The following ABCG1 variants were observed in gnomAD, a reference collection of about 807,000 sequenced individuals.
The protein encoded by ABCG1 is ATP-binding cassette sub-family G member 1.
A neutral mutation model predicts 69.2 loss-of-function variants in ABCG1; 29 were observed. The observed-to-expected ratio is 0.42, with a 90% confidence interval of 0.31 to 0.57. ABCG1 has a LOEUF of 0.57. Among genes scored for constraint, ABCG1 ranks in the 20% least tolerant of loss-of-function variants. The pLI is 0.15. For missense variants in ABCG1, 718 were observed against 898.1 expected, an observed-to-expected ratio of 0.80 and a Z score of 2.56; for synonymous variants, 370 against 374.8, an observed-to-expected ratio of 0.99 and a Z score of 0.15.
At chr21:42,274,478 T>TA (rs1375088025) in intron 4 of ABCG1, among the ~76,000 whole-genome samples, 3 of 148,458 alleles carry the variant, frequency 2.0e-5, no homozygotes, top group African/African-American at 7.6e-5. Flanking sequence ...CCAGGGCCTT[T>TA]TTTTTTTTTT....
chr21:42,225,598 T>C, intron 1 of ABCG1, 73 bp from the exon 2 acceptor site: 4 of 1,559,606 alleles, frequency 2.6e-6, no homozygotes, highest in Non-Finnish European at 2.6e-6. Flanking sequence ...CTGAGCCTCA[T>C]GGTGAATCTC....
At chr21:42,214,942 T>C (rs528006049), upstream of ABCG1, among the ~76,000 whole-genome samples, 25 of 152,326 alleles carry the variant, frequency 1.6e-4, no homozygotes, top group African/African-American at 5.5e-4. Flanking sequence ...TTTGTTTTTT[T>C]GTTTTCCTCC....
intron 10 of ABCG1, among the ~76,000 whole-genome samples, chr21:42,289,444 C>G (rs1183847096): frequency 6.6e-6 from 1 of 152,214 alleles, no homozygotes; most frequent in South Asian, 2.1e-4. Flanking sequence ...GAAACCAGGG[C>G]TGTAGGCGAG....
chr21:42,246,985 T>C (rs971968059), intron 2 of ABCG1, among the ~76,000 whole-genome samples: 1 of 152,198 alleles, frequency 6.6e-6, no homozygotes. Context: ...ATTTTAAAAC[T>C]ATTCTAAAGA....
At chr21:42,201,591 G>T in exon 2 of ABCG1, 1 of 1,546,944 alleles carries the variant, frequency 6.5e-7, no homozygotes, top group South Asian at 1.2e-5. Context: ...ACACCAACCT[G>T]AACTTCGCTT....
intron 2 of ABCG1, among the ~76,000 whole-genome samples, chr21:42,230,656 C>A (rs74713855): frequency 0.035 from 5,281 of 152,254 alleles, 321 homozygotes; most frequent in African/African-American, 0.12. Context: ...GCTTTCAGAG[C>A]CCATTCACAC....
chr21:42,296,302 C>T lies in ABCG1; in HGVS notation c.1911C>T (p.Tyr637=), dbSNP rs748322563. 1 of 1,614,138 alleles carries T rather than the reference C, an allele frequency of 6.2e-7. No individual in the cohort carries two copies. The highest frequency in any genetic ancestry group is 8.5e-7 in the Non-Finnish European group (1 of 1,180,024). The change falls in exon 15 of 15, where the codon TAC becomes TAT. Residue 637 remains tyrosine (Y), a synonymous_variant. Coordinates refer to ENST00000398449, the MANE Select transcript of ABCG1 (RefSeq NM_016818.3). The surrounding 1 kb of genome is among the most constrained non-coding windows in gnomAD (Gnocchi z 5.4). ...TGGACGTGGAAAATGCCAAGCTGTA[C>T]CTGGACTTCATCGTACTCGGGATTT... is the stretch of plus-strand genomic sequence containing the variant. The part of the protein sequence containing the change: ...RELDVENAKL[Y]LDFIVLGIFF...
intron 2 of ABCG1, among the ~76,000 whole-genome samples, chr21:42,234,823 C>G (rs573085410): frequency 6.6e-6 from 1 of 151,348 alleles, no homozygotes; most frequent in Non-Finnish European, 1.5e-5. Flanking sequence ...CAGGTGCGGG[C>G]GGGGCGGGTG....
At chr21:42,279,232 G>A (rs993371937) in intron 5 of ABCG1, among the ~76,000 whole-genome samples, 14 of 152,148 alleles carry the variant, frequency 9.2e-5, no homozygotes, top group African/African-American at 2.7e-4. Context: ...GATGCTCGGC[G>A]TGGAGGAGGA....
Position 42,219,383 on chromosome 21 carries a change from T to A in ABCG1, c.42+79T>A. On this transcript the variant is annotated intron_variant, in intron 1 of 14. Transcript: ENST00000398449. This position sits in a 1 kb window ranked among gnomAD's most constrained non-coding sequence, Gnocchi z 5.3. ...AGGAAACACACAAAGACTCGCAAGCTCGACCTGACACCCCTCCCAGGAGCG... is the reference window on the plus strand; with the variant it reads ...AGGAAACACACAAAGACTCGCAAGCACGACCTGACACCCCTCCCAGGAGCG... The A allele has an allele frequency of 6.5e-7, 1 of 1,541,884 alleles. No homozygotes were observed. The highest frequency in any genetic ancestry group is 8.7e-7 in the Non-Finnish European group (1 of 1,148,154).
chr21:42,232,991 A>G (rs1601364187), intron 2 of ABCG1, among the ~76,000 whole-genome samples: 4 of 152,250 alleles, frequency 2.6e-5, no homozygotes, highest in Admixed American at 2.0e-4. Context: ...AGGTGCATTC[A>G]TCAAACTCAG....
At position 42,259,609 on chromosome 21, in the gene ABCG1, T is replaced by C. The variant is rs2068370625; in HGVS notation, c.287-11461T>C. 3.5e-6 allele frequency: 5 copies of C among 1,443,266 alleles called. No individual in the cohort carries two copies. In the East Asian group the frequency reaches 1.3e-4, roughly 36 times the overall value. 89.4% of individuals were successfully genotyped at this position (1,443,266 alleles called of 1,614,324 possible). On this transcript the variant is annotated intron_variant, in intron 2 of 14. Transcript: ENST00000398449. Reference sequence around the variant, plus strand: ...CTGCGGAGCTGGCCATTACCTTGTTTCCTAACTGTCACTCATTTGATAAAA... The same window carrying C: ...CTGCGGAGCTGGCCATTACCTTGTTCCCTAACTGTCACTCATTTGATAAAA...
At position 42,288,305 on chromosome 21, in the gene ABCG1, G is replaced by A; in HGVS notation, c.1217G>A (p.Arg406Lys). Residue 406 changes from arginine to lysine, a missense_variant, in exon 10 of 15, where the codon AGG (arginine) becomes AAG (lysine). This residue lies in a region of ABCG1 where 514 missense variants were observed against 574.3 expected (regional missense o/e 0.90). Transcript: ENST00000398449. This position sits in a 1 kb window ranked among gnomAD's most constrained non-coding sequence, Gnocchi z 4.8. ...LFKRTFLSIM[R>K]DSVLTHLRIT... ...AAGAGGACCTTCCTCAGCATCATGA[G>A]GGACTCGGTAAGGCTGCCCGCATCT... 6.3e-7 allele frequency: 1 copy of A among 1,599,142 alleles called. No homozygotes were observed. The highest frequency in any genetic ancestry group is 8.5e-7 in the Non-Finnish European group (1 of 1,171,832).
chr21:42,291,440 G>A lies in ABCG1; in HGVS notation c.1495-58G>A. ...GGGCTGGCTGCCCAGGAGCTTTGCT[G>A]TTGGCCTGCTGTGGTGGGAAGCGGC... On this transcript the variant is annotated intron_variant, in intron 12 of 14. Transcript: ENST00000398449. This position sits in a 1 kb window ranked among gnomAD's most constrained non-coding sequence, Gnocchi z 6.4. 1 of 1,570,788 alleles carries A rather than the reference G, an allele frequency of 6.4e-7. No homozygotes were observed. The highest frequency in any genetic ancestry group is 8.7e-7 in the Non-Finnish European group (1 of 1,153,350).
chr21:42,286,097 CACAA>C, intron 8 of ABCG1, 103 bp downstream of exon 8: 1 of 773,120 alleles, frequency 1.3e-6, no homozygotes, highest in Non-Finnish European at 2.3e-6. Flanking sequence ...ACTTGACTAC[CACAA>C]ATAGCTCAAG....
At chr21:42,289,257 C>CCCATAAGT (rs1022387461) in intron 10 of ABCG1, among the ~76,000 whole-genome samples, 3 of 152,116 alleles carry the variant, frequency 2.0e-5, no homozygotes, top group African/African-American at 7.2e-5. Context: ...ATGGCTCTGT[C>CCCATAAGT]CCATAAGTCT....
In ABCG1 at chr21:42,219,889, G is replaced by A; in HGVS notation, c.42+585G>A. The A allele has an allele frequency of 1.9e-6, 3 of 1,545,180 alleles. No homozygotes were observed. The highest frequency in any genetic ancestry group is 2.6e-6 in the Non-Finnish European group (3 of 1,145,638). ...TCGGGGAGGCGGCGGCGAAGGCCCGGGGAGACCCGCGAGGGGCAAGCCCGG... is the reference window on the plus strand; with the variant it reads ...TCGGGGAGGCGGCGGCGAAGGCCCGAGGAGACCCGCGAGGGGCAAGCCCGG... On this transcript the variant is annotated intron_variant, in intron 1 of 14. Coordinates refer to ENST00000398449, the MANE Select transcript of ABCG1 (RefSeq NM_016818.3). This position sits in a 1 kb window ranked among gnomAD's most constrained non-coding sequence, Gnocchi z 5.3.
In ABCG1 at chr21:42,287,905, C is replaced by G. The variant is rs764757332; in HGVS notation, c.990C>G (p.Ser330=). 2.5e-6 allele frequency: 4 copies of G among 1,590,668 alleles called. No homozygotes were observed. The South Asian group carries it at 4.5e-5, about 18-fold the overall frequency. ...NPADFVMEVA[S]GEYGDQNSRL... Reference sequence around the variant, plus strand: ...CTCCTGCAGTCATGGAGGTTGCATCCGGCGAGTACGGTGATCAGAACAGTC... The same window carrying G: ...CTCCTGCAGTCATGGAGGTTGCATCGGGCGAGTACGGTGATCAGAACAGTC... Residue 330 remains serine, a synonymous_variant, in exon 9 of 15, where the codon TCC becomes TCG. Coordinates refer to ENST00000398449, the MANE Select transcript of ABCG1 (RefSeq NM_016818.3). This position sits in a 1 kb window ranked among gnomAD's most constrained non-coding sequence, Gnocchi z 6.2.
intron 5 of ABCG1, 125 bp downstream of exon 5, chr21:42,277,070 G>C: frequency 9.8e-7 from 1 of 1,025,062 alleles, no homozygotes. Flanking sequence ...CTTGCCTTCC[G>C]TGTGTGGGAC....
Sources: allele counts gnomAD v4.1 joint callset (sites outside exome capture counted in the v4.1 genomes callset), GRCh38; gene constraint gnomAD v4.1.1; regional missense constraint gnomAD v4.1.1; non-coding constraint Gnocchi (gnomAD v3.1); transcripts MANE v1.5; gene names NCBI Gene and HGNC (gene_info 2026-07-23, HGNC 2026-07-21).